Variants in EP300 observed in about 807,000 individuals in gnomAD.
The protein encoded by EP300 is histone acetyltransferase p300.
Under a neutral mutation model 264.0 loss-of-function variants are expected in EP300, and 31 were observed. That is an observed-to-expected ratio of 0.12 (90% confidence interval 0.09 to 0.16). EP300 has a LOEUF of 0.16. EP300 is among the 10% of genes least tolerant of loss of function. The probability of loss-of-function intolerance (pLI) is 1.00; values close to 1 mark genes in which losing one functional copy is unlikely to be tolerated. For synonymous variants in EP300, 1,340 were observed against 1,045.4 expected (o/e 1.28, Z -5.44); for missense variants, 2,766 against 3,052.9 (o/e 0.91, Z 2.21).
In EP300 at chr22:41,177,741, G is replaced by T; in HGVS notation, c.6030G>T (p.Met2010Ile). The T allele has an allele frequency of 3.7e-6, 6 of 1,613,804 alleles. No homozygotes were observed. The highest frequency in any genetic ancestry group is 1.1e-5 in the South Asian group (1 of 91,090). ...AGCCCCAGCAACTACAGTCTGGGAT[G>T]CCAAGGCCAGCCATGATGTCAGTGG... ...LPQPQQLQSGMPRPAMMSVAQ... is the reference protein window; with the variant it reads ...LPQPQQLQSGIPRPAMMSVAQ... Residue 2010 changes from methionine (M) to isoleucine (I), a missense_variant, in exon 31 of 31, where the codon ATG becomes ATT. Transcript: ENST00000263253.
intron 29 of EP300, among the ~76,000 whole-genome samples, chr22:41,174,097 C>T (rs1000406495): frequency 4.6e-5 from 7 of 151,362 alleles, no homozygotes; most frequent in African/African-American, 1.7e-4. Flanking sequence ...GCAACAAGAG[C>T]GAAACTCCAC....
In EP300 at chr22:41,137,691, G is replaced by T; in HGVS notation, c.1661G>T (p.Gly554Val). Reference protein sequence around the residue: ...MSENASVPSLGPMPTAAQPST... With the variant: ...MSENASVPSLVPMPTAAQPST... Reference sequence around the variant, plus strand: ...GAAAATGCCAGTGTGCCCTCCCTGGGTCCTATGCCAACAGCAGCTCAACCA... The same window carrying T: ...GAAAATGCCAGTGTGCCCTCCCTGGTTCCTATGCCAACAGCAGCTCAACCA... Residue 554 changes from glycine to valine, a missense_variant, in exon 8 of 31, where the codon GGT (glycine) becomes GTT (valine). Transcript: ENST00000263253. 6.2e-7 allele frequency: 1 copy of T among 1,614,124 alleles called. No homozygotes were observed. Among genetic ancestry groups the T allele is most frequent in the South Asian group, 1.1e-5 (1 of 91,078 alleles).
Position 41,131,623 on chromosome 22 carries a change from G to T in EP300, c.1518G>T (p.Met506Ile). The T allele has an allele frequency of 6.2e-7, 1 of 1,614,108 alleles. No individual in the cohort carries two copies. Among genetic ancestry groups the T allele is most frequent in the South Asian group, 1.1e-5 (1 of 91,070 alleles). The change falls in exon 6 of 31, where the codon ATG becomes ATT. Residue 506 changes from methionine to isoleucine, a missense_variant. Coordinates refer to ENST00000263253, the MANE Select transcript of EP300 (RefSeq NM_001429.4). ...PGQSPQGMRP[M>I]SNMSASPMGV... ...AGTCTCCCCAAGGCATGCGGCCCATGAGCAACATGAGTAAGTTTGTGTCAT... is the reference window on the plus strand; with the variant it reads ...AGTCTCCCCAAGGCATGCGGCCCATTAGCAACATGAGTAAGTTTGTGTCAT...
rs926185064 is a variant in EP300 at position 41,092,763 on chromosome 22, G to A, written c.-242G>A. The A allele has an allele frequency of 1.6e-6, 1 of 622,114 alleles. No homozygotes were observed. Among genetic ancestry groups the A allele is most frequent in the Admixed American group, 2.9e-5 (1 of 34,168 alleles). The allele number at this position is 622,114 out of a possible 1,614,324, so 38.5% of individuals were successfully genotyped here. On this transcript the variant is annotated 5_prime_UTR_variant, in exon 1 of 31. Transcript: ENST00000263253. ...GCGCTCGGCGAATTTGTGCTCTTGT[G>A]CCCTCCTCCGGGCTTGGGCCCAGGC... is the stretch of plus-strand genomic sequence containing the variant.
In EP300 at chr22:41,169,176, A is replaced by G. The variant is rs966261388; in HGVS notation, c.4172+309A>G. 45 of 549,580 alleles carry G rather than the reference A, an allele frequency of 8.2e-5. No homozygotes were observed. In the African/African-American group the frequency reaches 8.3e-4, roughly 10 times the overall value. 34.0% of individuals were successfully genotyped at this position (549,580 alleles called of 1,614,324 possible). On this transcript the variant is annotated intron_variant, in intron 25 of 30. Transcript: ENST00000263253. ...ATCTGGATTAAGTAGCTATGTGAAA[A>G]TATATCATACAAATCGGGTGGGAAT...
chr22:41,154,406 G>C (rs2059065104), intron 16 of EP300, among the ~76,000 whole-genome samples: 1 of 64,940 alleles, frequency 1.5e-5, no homozygotes, highest in East Asian at 5.0e-4. Flanking sequence ...TTTTGAGATG[G>C]GGCCTCATTC....
At chr22:41,152,066 C>T in intron 15 of EP300, 54 bp downstream of exon 15, 1 of 1,606,904 alleles carries the variant, frequency 6.2e-7, no homozygotes, top group Non-Finnish European at 8.5e-7. Flanking sequence ...TATAGGAACC[C>T]AAGTTTTAAA....
At chr22:41,114,696 C>T (rs978827805) in intron 1 of EP300, among the ~76,000 whole-genome samples, 5 of 151,802 alleles carry the variant, frequency 3.3e-5, no homozygotes, top group South Asian at 2.1e-4. Flanking sequence ...ATGTCCTTCG[C>T]GAAGAATGCA....
intron 23 of EP300, among the ~76,000 whole-genome samples, chr22:41,167,052 C>T (rs987684628): frequency 1.3e-5 from 2 of 152,184 alleles, no homozygotes; most frequent in African/African-American, 4.8e-5. Context: ...CTGCACAGTG[C>T]AGTGGCACGA....
chr22:41,143,939 A>G (rs1450640880), intron 10 of EP300, among the ~76,000 whole-genome samples: 1 of 152,210 alleles, frequency 6.6e-6, no homozygotes, highest in East Asian at 1.9e-4. Flanking sequence ...GAGAGTGGCA[A>G]TGGCAGGACT....
rs1169421230 is a variant in EP300 at position 41,179,466 on chromosome 22, AAATATATATT to A, written c.*513_*522del. On this transcript the variant is annotated 3_prime_UTR_variant, in exon 31 of 31. Coordinates refer to ENST00000263253, the MANE Select transcript of EP300 (RefSeq NM_001429.4). ...ATTCTATATATATATAAATATATAT[AAATATATATT>A]AAAATACCAGTTTTTTTTCTCTGGG... is the stretch of plus-strand genomic sequence containing the variant. The A allele has an allele frequency of 6.1e-6, 1 of 163,314 alleles. No individual in the cohort carries two copies. The highest frequency in any genetic ancestry group is 2.0e-4 in the South Asian group (1 of 4,906). The allele number at this position is 163,314 out of a possible 1,614,324, so 10.1% of individuals were successfully genotyped here. A position where few individuals can be genotyped will look rare whatever the true frequency, so the allele number is the denominator to read the frequency against.
intron 23 of EP300, among the ~76,000 whole-genome samples, chr22:41,167,834 T>TG (rs2059148457): frequency 5.9e-5 from 5 of 84,416 alleles, no homozygotes; most frequent in Admixed American, 1.4e-4. Context: ...TTGTTTTTTT[T>TG]TTTTTTTTTT....
At chr22:41,146,458 T>C in intron 10 of EP300, 1 of 419,072 alleles carries the variant, frequency 2.4e-6, no homozygotes, top group Non-Finnish European at 4.4e-6. Context: ...TGAGCCACTG[T>C]GCCTGGCCTA....
intron 10 of EP300, 189 bp from the exon 11 acceptor site, chr22:41,146,550 G>A: frequency 1.6e-6 from 1 of 609,926 alleles, no homozygotes; most frequent in Non-Finnish European, 2.9e-6. Flanking sequence ...CCACTTGGAG[G>A]CATTTTTCTG....
intron 1 of EP300, among the ~76,000 whole-genome samples, chr22:41,115,642 G>T (rs1191713691): frequency 6.6e-6 from 1 of 152,106 alleles, no homozygotes; most frequent in Non-Finnish European, 1.5e-5. Context: ...GTTGACCTGG[G>T]CTGAAGAATT....
chr22:41,114,839 C>T (rs2058812526), intron 1 of EP300, among the ~76,000 whole-genome samples: 1 of 150,366 alleles, frequency 6.7e-6, no homozygotes, highest in African/African-American at 2.4e-5. Flanking sequence ...AAAAAAACTA[C>T]AAGAAGAGGA....
chr22:41,174,954 C>G (rs533787847), intron 29 of EP300: 18 of 152,048 alleles, frequency 1.2e-4, no homozygotes, highest in African/African-American at 3.4e-4. Flanking sequence ...CCATCACCAC[C>G]CCTTTTTTGT....
Position 41,157,387 on chromosome 22 carries a change from T to G in EP300, c.3480T>G (p.Leu1160=), listed in dbSNP as rs1480022235. 6.2e-7 allele frequency: 1 copy of G among 1,614,150 alleles called. No homozygotes were observed. The highest frequency in any genetic ancestry group is 2.2e-5 in the East Asian group (1 of 44,878). The change falls in exon 18 of 31, where the codon CTT becomes CTG. Residue 1160 remains leucine, a synonymous_variant. Transcript: ENST00000263253. ...EQEIDPVMQS[L]GYCCGRKLEF... is the part of the protein sequence containing the mutation. ...AAATTGACCCAGTGATGCAAAGCCTTGGATACTGTTGTGGCAGAAAGGTAA... is the reference window on the plus strand; with the variant it reads ...AAATTGACCCAGTGATGCAAAGCCTGGGATACTGTTGTGGCAGAAAGGTAA...
intron 23 of EP300, among the ~76,000 whole-genome samples, chr22:41,167,592 A>ATG (rs2059144379): frequency 1.1e-4 from 1 of 8,854 alleles, no homozygotes; most frequent in Admixed American, 1.7e-3. Context: ...GTGTATATAT[A>ATG]TATATATATA....
Sources: gnomAD v4.1 joint callset for allele counts (sites outside exome capture counted in the v4.1 genomes callset) on GRCh38, gnomAD v4.1.1 for gene constraint, MANE v1.5 for transcripts, NCBI Gene and HGNC (gene_info 2026-07-23, HGNC 2026-07-21) for gene names.